FLT4: variants seen among roughly 807,000 people sequenced by gnomAD.
FLT4 encodes the protein vascular endothelial growth factor receptor 3.
FLT4 carries 30 observed loss-of-function variants against 163.2 expected under a neutral mutation model. The ratio of observed to expected loss-of-function variants is 0.18; its 90% CI spans 0.14 to 0.25. The LOEUF (loss-of-function observed/expected upper bound fraction) is 0.25. FLT4 is among the 10% of genes least tolerant of loss of function. FLT4 has a pLI of 1.00. For missense variants in FLT4, 1,510 were observed against 1,863.8 expected, an observed-to-expected ratio of 0.81 and a Z score of 3.50; for synonymous variants, 884 against 789.5, an observed-to-expected ratio of 1.12 and a Z score of -2.01.
At chr5:180,638,175 C>T (rs937474480) in intron 1 of FLT4, among the ~76,000 whole-genome samples, 11 of 152,344 alleles carry the variant, frequency 7.2e-5, no homozygotes, top group Middle Eastern at 3.4e-3. Flanking sequence ...AGGTCTCTAG[C>T]TCCAGCCAGG....
intron 10 of FLT4, among the ~76,000 whole-genome samples, 171 bp from the exon 11 acceptor site, chr5:180,624,232 T>G (rs1219126416): frequency 6.6e-6 from 1 of 150,706 alleles, no homozygotes; most frequent in Non-Finnish European, 1.5e-5. Flanking sequence ...TTGGTGTTTT[T>G]TTTTTTTTTT....
At chr5:180,646,524 T>G (rs1765502544) in intron 1 of FLT4, among the ~76,000 whole-genome samples, 1 of 152,124 alleles carries the variant, frequency 6.6e-6, no homozygotes, top group East Asian at 1.9e-4. Context: ...TGTCCTGGAG[T>G]TCTGCAGACC....
intron 1 of FLT4, among the ~76,000 whole-genome samples, chr5:180,638,120 C>T (rs1323285994): frequency 1.3e-5 from 2 of 152,202 alleles, no homozygotes; most frequent in African/African-American, 4.8e-5. Context: ...CTGCCCAACA[C>T]ACAGTGCTGG....
chr5:180,619,867 G>C, intron 17 of FLT4, 98 bp from the exon 18 acceptor site: 2 of 897,312 alleles, frequency 2.2e-6, no homozygotes, highest in Non-Finnish European at 3.6e-6. Flanking sequence ...CAGGAGGACA[G>C]GCCTGGCAGC....
At chr5:180,645,338 C>T (rs975481240) in intron 1 of FLT4, among the ~76,000 whole-genome samples, 1 of 152,228 alleles carries the variant, frequency 6.6e-6, no homozygotes, top group African/African-American at 2.4e-5. Context: ...ACACGGCCGC[C>T]GTGGGGCAGC....
At chr5:180,624,132 C>T (rs896969907) in intron 10 of FLT4, 71 bp from the exon 11 acceptor site, 1 of 1,579,536 alleles carries the variant, frequency 6.3e-7, no homozygotes, top group African/African-American at 1.3e-5. Context: ...GGGGCGGGGT[C>T]AAGCCCTTGT....
intron 1 of FLT4, among the ~76,000 whole-genome samples, chr5:180,643,128 A>G (rs77678249): frequency 0.057 from 8,685 of 152,296 alleles, 375 homozygotes; most frequent in Non-Finnish European, 0.077. Context: ...ACAAAATGTA[A>G]TCATCTCTTC....
At chr5:180,619,156 G>A (rs1014145086) in intron 19 of FLT4, 47 bp from the exon 20 acceptor site, 3 of 1,349,472 alleles carry the variant, frequency 2.2e-6, no homozygotes, top group South Asian at 1.7e-5. Context: ...CCCGGGGCGC[G>A]CTGCGGGCGC....
intron 13 of FLT4, 55 bp from the exon 14 acceptor site, chr5:180,621,307 C>G (rs1169289829): frequency 6.4e-7 from 1 of 1,573,736 alleles, no homozygotes; most frequent in African/African-American, 1.4e-5. Context: ...CAGGAGGACC[C>G]TCTTTGGGCT....
chr5:180,649,588 C>T lies in FLT4; in HGVS notation c.-43G>A, dbSNP rs1230279925. ...GGGTCCGACCCGAGCGGCCGCGGCT[C>T]GGGGCTGAAAGTGTCCGCGCGGGCG... On this transcript the variant is annotated 5_prime_UTR_variant, in exon 1 of 30. Coordinates refer to ENST00000261937, the MANE Select transcript of FLT4 (RefSeq NM_182925.5). 2 of 1,297,664 alleles carry T rather than the reference C, an allele frequency of 1.5e-6. No individual in the cohort carries two copies. Among genetic ancestry groups the T allele is most frequent in the African/African-American group, 1.6e-5 (1 of 63,870 alleles). 80.4% of individuals were successfully genotyped at this position (1,297,664 alleles called of 1,614,324 possible).
At chr5:180,612,270 TCTGA>T (rs1301052189) in intron 26 of FLT4, 1 of 588,270 alleles carries the variant, frequency 1.7e-6, no homozygotes, top group African/African-American at 1.9e-5. Context: ...AGGGACAGGC[TCTGA>T]CTATCCACAC....
In FLT4 at chr5:180,620,177, G is replaced by A. The variant is rs754787494; in HGVS notation, c.2538C>T (p.His846=). ...SQWEFPRERL[H]LGRVLGYGAF... Reference sequence around the variant, plus strand: ...GCAGGCTGGTGCTGGCCTCACCCAGGTGCAGCCGCTCTCGGGGGAATTCCC... The same window carrying A: ...GCAGGCTGGTGCTGGCCTCACCCAGATGCAGCCGCTCTCGGGGGAATTCCC... Residue 846 remains histidine (H), a synonymous_variant, in exon 17 of 30, where the codon CAC becomes CAT. Coordinates refer to ENST00000261937, the MANE Select transcript of FLT4 (RefSeq NM_182925.5). The surrounding 1 kb of genome is among the most constrained non-coding windows in gnomAD (Gnocchi z 4.4). 1.1e-5 allele frequency: 18 copies of A among 1,606,618 alleles called. No individual in the cohort carries two copies. The highest frequency in any genetic ancestry group is 1.4e-5 in the Non-Finnish European group (16 of 1,179,612).
chr5:180,620,742 G>GTGTA lies in FLT4; in HGVS notation c.2300-28_2300-27insTACA. On this transcript the variant is annotated intron_variant, in intron 15 of 29. Transcript: ENST00000261937. The surrounding 1 kb of genome is among the most constrained non-coding windows in gnomAD (Gnocchi z 4.4). The stretch of plus-strand genomic sequence containing the variant: ...TGCGTGGGCAGAAAGGGGCCGGCGT[G>GTGTA]TGTGTGTGTGTGTGTAAGAGCGTGC... 1.3e-6 allele frequency: 2 copies of GTGTA among 1,562,326 alleles called. No homozygotes were observed. The highest frequency in any genetic ancestry group is 1.8e-6 in the Non-Finnish European group (2 of 1,138,096).
At chr5:180,626,290 C>A (rs915616788) in intron 8 of FLT4, 25 bp from the exon 9 acceptor site, 1 of 1,609,166 alleles carries the variant, frequency 6.2e-7, no homozygotes, top group Non-Finnish European at 8.5e-7. Context: ...GAGGTCAGGG[C>A]CCATACAGAT....
chr5:180,629,930 A>G lies in FLT4; in HGVS notation c.676+13T>C. On this transcript the variant is annotated intron_variant, in intron 5 of 29. Coordinates refer to ENST00000261937, the MANE Select transcript of FLT4 (RefSeq NM_182925.5). ...ACAGCCCCGTTACTGGGAACGGGGC[A>G]CAGCCCTGTTACCTGTGATGTGCAC... 1 of 1,612,654 alleles carries G rather than the reference A, an allele frequency of 6.2e-7. No homozygotes were observed. Among genetic ancestry groups the G allele is most frequent in the South Asian group, 1.1e-5 (1 of 91,076 alleles).
chr5:180,626,561 T>C (rs1763633215), intron 8 of FLT4, among the ~76,000 whole-genome samples: 1 of 152,196 alleles, frequency 6.6e-6, no homozygotes, highest in Admixed American at 6.5e-5. Flanking sequence ...AGTAGTGAGA[T>C]GACCATGTCA....
chr5:180,624,193 G>A (rs867818518), intron 10 of FLT4, 132 bp from the exon 11 acceptor site: 10 of 1,006,366 alleles, frequency 9.9e-6, no homozygotes, highest in Middle Eastern at 2.7e-4. Context: ...TGGCCCTCGG[G>A]CCTGGGTGAG....
intron 1 of FLT4, among the ~76,000 whole-genome samples, chr5:180,646,328 C>T (rs1765487939): frequency 6.6e-6 from 1 of 152,182 alleles, no homozygotes; most frequent in Admixed American, 6.5e-5. Flanking sequence ...ACTTGCAGTT[C>T]CTGTCTCCCC....
At chr5:180,629,640 G>A (rs2127835056) in intron 6 of FLT4, 56 bp downstream of exon 6, 1 of 1,584,588 alleles carries the variant, frequency 6.3e-7, no homozygotes. Flanking sequence ...AGTGTGTGCT[G>A]TACAGTCACA....
Sources: gnomAD v4.1 joint callset for allele counts (sites outside exome capture counted in the v4.1 genomes callset) on GRCh38, gnomAD v4.1.1 for gene constraint, Gnocchi (gnomAD v3.1) non-coding constraint, MANE v1.5 for transcripts, NCBI Gene and HGNC (gene_info 2026-07-23, HGNC 2026-07-21) for gene names.